ZNF710: variants seen among roughly 807,000 people sequenced by gnomAD.
The protein encoded by ZNF710 is zinc finger protein 710.
A neutral mutation model predicts 50.6 loss-of-function variants in ZNF710; 13 were observed. The observed-to-expected ratio is 0.26, with a 90% CI of 0.17 to 0.41. The LOEUF is 0.41. Among genes scored for constraint, ZNF710 ranks in the 10% least tolerant of loss-of-function variants. The probability of loss-of-function intolerance (pLI) is 1.00; values close to 1 mark genes in which losing one functional copy is unlikely to be tolerated. For synonymous variants in ZNF710, 383 were observed against 397.0 expected, an observed-to-expected ratio of 0.96 and a Z score of 0.42; for missense variants, 721 against 936.6, an observed-to-expected ratio of 0.77 and a Z score of 3.01.
At chr15:90,064,467 G>A (rs1900106988) in intron 1 of ZNF710, among the ~76,000 whole-genome samples, 1 of 152,244 alleles carries the variant, frequency 6.6e-6, no homozygotes, top group African/African-American at 2.4e-5. Context: ...TTCTCCCAGA[G>A]ATCTGGGCAG....
intron 2 of ZNF710, among the ~76,000 whole-genome samples, chr15:90,070,077 G>A (rs144902837): frequency 0.011 from 1,741 of 152,310 alleles, 19 homozygotes; most frequent in Non-Finnish European, 0.016. Flanking sequence ...TGTCTCTCAC[G>A]GTAGACACTA....
rs1027893699 is a variant in ZNF710, at chr15:90,023,921, C to G, written c.-29+22307C>G. Among the ~76,000 whole-genome samples the G allele has an allele frequency of 3.3e-5, 5 of 152,114 alleles. No individual in the cohort carries two copies. The East Asian group carries it at 7.7e-4, about 24-fold the overall frequency. ...AGCTAAGATAGGCAGATCACTTGAG[C>G]CTGGGAGGTGGAGGTTGCAGTGAGC... On this transcript the variant is annotated intron_variant, in intron 1 of 4. Coordinates refer to ENST00000268154, the MANE Select transcript of ZNF710 (RefSeq NM_198526.4).
intron 1 of ZNF710, among the ~76,000 whole-genome samples, chr15:90,051,866 GTCAC>G (rs1238658230): frequency 1.3e-5 from 2 of 152,122 alleles, no homozygotes; most frequent in African/African-American, 4.8e-5. Flanking sequence ...CCCTTCTCCT[GTCAC>G]TATACAGACA....
chr15:90,062,421 T>C lies in ZNF710; in HGVS notation c.-28-4689T>C, dbSNP rs1782501828. On this transcript the variant is annotated intron_variant, in intron 1 of 4. Coordinates refer to ENST00000268154, the MANE Select transcript of ZNF710 (RefSeq NM_198526.4). The surrounding 1 kb of genome is among the most constrained non-coding windows in gnomAD (Gnocchi z 5.6). ...CTTGCCAGCCTGGGGCAGTCTGAGC[T>C]CCCCTTTCTCCTGGACATGGGGGGA... Among the ~76,000 whole-genome samples the C allele has an allele frequency of 6.6e-6, 1 of 152,018 alleles. No individual in the cohort carries two copies. The highest frequency in any genetic ancestry group is 1.5e-5 in the Non-Finnish European group (1 of 67,982).
intron 1 of ZNF710, among the ~76,000 whole-genome samples, chr15:90,037,705 C>T (rs1312033590): frequency 6.6e-6 from 1 of 152,248 alleles, no homozygotes; most frequent in South Asian, 2.1e-4. Flanking sequence ...ATCTTCAGCA[C>T]TCATAAGCAT....
At chr15:90,024,192 G>A (rs1444178401) in intron 1 of ZNF710, among the ~76,000 whole-genome samples, 2 of 152,196 alleles carry the variant, frequency 1.3e-5, no homozygotes, top group Non-Finnish European at 2.9e-5. Context: ...GCTCCACTGG[G>A]GCACTGGGCA....
intron 1 of ZNF710, among the ~76,000 whole-genome samples, chr15:90,016,586 C>T (rs1345255534): frequency 6.6e-6 from 1 of 152,176 alleles, no homozygotes; most frequent in Admixed American, 6.5e-5. Context: ...GGACTACAGG[C>T]ATGTACCATC....
intron 4 of ZNF710, 146 bp from the exon 5 acceptor site, chr15:90,079,514 G>C (rs1168404827): frequency 2.0e-6 from 2 of 988,566 alleles, no homozygotes; most frequent in African/African-American, 3.3e-5. Context: ...GGCGTCCGAG[G>C]GTGGGAAGGC....
In ZNF710 at chr15:90,040,711, C is replaced by T. The variant is rs1208107793; in HGVS notation, c.-28-26399C>T. The stretch of plus-strand genomic sequence containing the variant: ...CAGCAGGCCCCGCCCCACCTCGCTC[C>T]CCAACTCCAGCCCTCCAGCCAGTTA... On this transcript the variant is annotated intron_variant, in intron 1 of 4. Transcript: ENST00000268154. The surrounding 1 kb of genome is among the most constrained non-coding windows in gnomAD (Gnocchi z 4.6). Among the ~76,000 whole-genome samples, 3 of 152,206 alleles carry T rather than the reference C, an allele frequency of 2.0e-5. No homozygotes were observed.
At position 90,034,355 on chromosome 15, in the gene ZNF710, T is replaced by C. The variant is rs1197568876; in HGVS notation, c.-29+32741T>C. Among the ~76,000 whole-genome samples the C allele has an allele frequency of 2.0e-5, 3 of 152,122 alleles. No individual in the cohort carries two copies. The highest frequency in any genetic ancestry group is 4.4e-5 in the Non-Finnish European group (3 of 68,010). ...GAGGAATTCTTTGTGCTGTTTTGTC[T>C]ATGTTATTTGAAAAAGTGGATTGCA... On this transcript the variant is annotated intron_variant, in intron 1 of 4. Coordinates refer to ENST00000268154, the MANE Select transcript of ZNF710 (RefSeq NM_198526.4). The surrounding 1 kb of genome is among the most constrained non-coding windows in gnomAD (Gnocchi z 4.0).
chr15:90,077,808 C>G (rs1236055731), intron 4 of ZNF710, among the ~76,000 whole-genome samples: 5 of 152,122 alleles, frequency 3.3e-5, no homozygotes, highest in African/African-American at 1.2e-4. Flanking sequence ...CCCAGCTACT[C>G]GGGAGGTTGA....
At position 90,034,428 on chromosome 15, in the gene ZNF710, C is replaced by CTGTGTGTGTGTGTGTGTGTG. The variant is rs398028304; in HGVS notation, c.-28-32654_-28-32635dup. On this transcript the variant is annotated intron_variant, in intron 1 of 4. Coordinates refer to ENST00000268154, the MANE Select transcript of ZNF710 (RefSeq NM_198526.4). The surrounding 1 kb of genome is among the most constrained non-coding windows in gnomAD (Gnocchi z 4.0). ...AGCTGTCCTTCCTGTTTCCAAATTC[C>CTGTGTGTGTGTGTGTGTGTG]TGTGTGTGTGTGTGTGTGTGTGTGT... Among the ~76,000 whole-genome samples, 10 of 136,198 alleles carry CTGTGTGTGTGTGTGTGTGTG rather than the reference C, an allele frequency of 7.3e-5. No individual in the cohort carries two copies. The highest frequency in any genetic ancestry group is 9.6e-5 in the Non-Finnish European group (6 of 62,214). The allele number at this position is 136,198 out of a possible 152,430, so 89.4% of individuals were successfully genotyped here. A position where few individuals can be genotyped will look rare whatever the true frequency, so the allele number is the denominator to read the frequency against.
At chr15:90,004,014 G>A (rs1338961779) in intron 1 of ZNF710, among the ~76,000 whole-genome samples, 2 of 152,118 alleles carry the variant, frequency 1.3e-5, no homozygotes, top group Non-Finnish European at 2.9e-5. Context: ...AGTGGGACGC[G>A]GGCTCACTTG....
chr15:90,077,007 T>TA (rs984194842), intron 4 of ZNF710, among the ~76,000 whole-genome samples: 1 of 152,074 alleles, frequency 6.6e-6, no homozygotes, highest in African/African-American at 2.4e-5. Flanking sequence ...ACCTCCCTCA[T>TA]ACAGCCTTGG....
chr15:90,039,530 T>C (rs1418513832), intron 1 of ZNF710, among the ~76,000 whole-genome samples: 1 of 152,166 alleles, frequency 6.6e-6, no homozygotes, highest in East Asian at 1.9e-4. Flanking sequence ...CTGGATCCAA[T>C]ACGTGCTTGG....
chr15:90,021,051 G>A (rs1898606432), intron 1 of ZNF710, among the ~76,000 whole-genome samples: 1 of 150,422 alleles, frequency 6.6e-6, no homozygotes, highest in South Asian at 2.1e-4. Context: ...AGCTCCAAGG[G>A]TGAGGGTTTC....
Position 90,079,820 on chromosome 15 carries a change from T to A in ZNF710, c.1986T>A (p.Asn662Lys). The change falls in exon 5 of 5, where the codon AAT becomes AAA. Residue 662 changes from asparagine to lysine, a missense_variant. Coordinates refer to ENST00000268154, the MANE Select transcript of ZNF710 (RefSeq NM_198526.4). ...EQAMKEMAYY[N>K]VL ...CCATGAAAGAGATGGCCTACTACAA[T>A]GTGCTATAGCGCAAGCTGGGCCACC... 6.2e-7 allele frequency: 1 copy of A among 1,600,418 alleles called. No individual in the cohort carries two copies. Among genetic ancestry groups the A allele is most frequent in the Non-Finnish European group, 8.5e-7 (1 of 1,174,904 alleles).
At chr15:90,017,451 C>T (rs190567230) in intron 1 of ZNF710, among the ~76,000 whole-genome samples, 1 of 151,884 alleles carries the variant, frequency 6.6e-6, no homozygotes, top group Non-Finnish European at 1.5e-5. Context: ...CATCCAGCTC[C>T]GGCTGTCCTT....
At position 90,074,231 on chromosome 15, in the gene ZNF710, A is replaced by C. The variant is rs1317185796; in HGVS notation, c.1766A>C (p.Asn589Thr). Residue 589 changes from asparagine to threonine, a missense_variant, in exon 4 of 5, where the codon AAC (asparagine) becomes ACC (threonine). Transcript: ENST00000268154. ...YCSSKFNLKG[N>T]LSRHMKVKHG... ...TCCAGCAAGTTTAATCTCAAGGGCA[A>C]CCTGAGCCGGCACATGAAGGTCAAG... 1 of 1,613,462 alleles carries C rather than the reference A, an allele frequency of 6.2e-7. No homozygotes were observed. Among genetic ancestry groups the C allele is most frequent in the Admixed American group, 1.7e-5 (1 of 59,836 alleles).
Sources: gnomAD v4.1 joint callset for allele counts (sites outside exome capture counted in the v4.1 genomes callset) on GRCh38, gnomAD v4.1.1 for gene constraint, Gnocchi (gnomAD v3.1) non-coding constraint, MANE v1.5 for transcripts, NCBI Gene and HGNC (gene_info 2026-07-23, HGNC 2026-07-21) for gene names.